EXOC4: variants seen among roughly 807,000 people sequenced by gnomAD.
EXOC4 encodes the protein SEC8-like 1.
EXOC4 carries 71 observed loss-of-function variants against 107.2 expected under a neutral mutation model. The observed-to-expected ratio is 0.66, with a 90% CI of 0.55 to 0.81. The LOEUF is 0.81. Among genes scored for constraint, EXOC4 ranks in the 30% least tolerant of loss-of-function variants. The pLI is 0.00. For synonymous variants in EXOC4, 456 were observed against 441.2 expected (o/e 1.03, Z -0.42); for missense variants, 1,108 against 1,189.6 (o/e 0.93, Z 1.01).
rs1291839810 is a variant in EXOC4, at chr7:133,475,322, G to T, written c.1183-6G>T. The T allele has an allele frequency of 2.1e-5, 33 of 1,606,174 alleles. No homozygotes were observed. The highest frequency in any genetic ancestry group is 2.6e-5 in the Non-Finnish European group (31 of 1,174,546). ...TTAACATTAACTGATTTATCTGGTT[G>T]TACAGATGCTATTAACTGAGTACTT... On this transcript the variant is annotated splice_polypyrimidine_tract_variant and splice_region_variant and intron_variant, in intron 7 of 17. Transcript: ENST00000253861.
At chr7:133,645,327 C>T (rs908972926) in intron 10 of EXOC4, among the ~76,000 whole-genome samples, 2 of 151,662 alleles carry the variant, frequency 1.3e-5, no homozygotes, top group African/African-American at 4.8e-5. Flanking sequence ...CTCCTGACCT[C>T]GTGATCAACC....
intron 11 of EXOC4, among the ~76,000 whole-genome samples, chr7:133,845,313 C>G (rs1201139941): frequency 6.8e-6 from 1 of 146,582 alleles, no homozygotes; most frequent in Non-Finnish European, 1.5e-5. Context: ...CATGGGCCAA[C>G]TAGCATGATA....
intron 7 of EXOC4, among the ~76,000 whole-genome samples, chr7:133,470,435 G>A (rs1798846421): frequency 6.6e-6 from 1 of 152,082 alleles, no homozygotes; most frequent in Non-Finnish European, 1.5e-5. Context: ...CAGAAGAGAT[G>A]CCTAACCAAC....
chr7:133,651,633 A>G lies in EXOC4; in HGVS notation c.1514+21492A>G, dbSNP rs1304277051. 2.0e-5 allele frequency among the ~76,000 whole-genome samples: 3 copies of G among 152,170 alleles called. No homozygotes were observed. In the East Asian group the frequency reaches 5.8e-4, roughly 29 times the overall value. ...TTAAAAAATTACTTTGAGGACTTTT[A>G]TCTGATATTAGAGTTGCCCAGAAGG... On this transcript the variant is annotated intron_variant, in intron 10 of 17. Coordinates refer to ENST00000253861, the MANE Select transcript of EXOC4 (RefSeq NM_021807.4).
At chr7:133,731,992 G>A (rs989180661) in intron 10 of EXOC4, among the ~76,000 whole-genome samples, 19 of 152,134 alleles carry the variant, frequency 1.2e-4, no homozygotes, top group Admixed American at 4.6e-4. Flanking sequence ...GCATGCATAC[G>A]TATGTTCACT....
At chr7:133,479,243 GT>G (rs943925619) in intron 8 of EXOC4, 4 of 151,592 alleles carry the variant, frequency 2.6e-5, no homozygotes, top group South Asian at 2.1e-4. Flanking sequence ...AATTTTATCT[GT>G]TTTTTTTCTT....
At chr7:133,855,094 TATATATATAAATATATATAA>T (rs1316679869) in intron 11 of EXOC4, among the ~76,000 whole-genome samples, 5 of 84,426 alleles carry the variant, frequency 5.9e-5, no homozygotes, top group Non-Finnish European at 8.6e-5. Context: ...TATATATAAA[TATATATATAAATATATATAA>T]ATATATATAT....
chr7:133,615,313 G>A (rs907077483), intron 9 of EXOC4, among the ~76,000 whole-genome samples: 6 of 151,920 alleles, frequency 3.9e-5, no homozygotes, highest in African/African-American at 1.5e-4. Context: ...AAACGAGGGT[G>A]ATTTATTTTT....
chr7:133,445,491 G>A (rs774651566), intron 7 of EXOC4, among the ~76,000 whole-genome samples: 4 of 152,084 alleles, frequency 2.6e-5, no homozygotes, highest in East Asian at 3.9e-4. Flanking sequence ...ATATGCCAGC[G>A]TCTTTCCACT....
chr7:133,997,724 T>C, intron 15 of EXOC4, 91 bp downstream of exon 15: 1 of 1,424,452 alleles, frequency 7.0e-7, no homozygotes, highest in Non-Finnish European at 9.6e-7. Context: ...CACCATAATT[T>C]CTGGCTCATA....
chr7:133,697,901 A>G (rs983334537), intron 10 of EXOC4, among the ~76,000 whole-genome samples: 1 of 152,158 alleles, frequency 6.6e-6, no homozygotes, highest in African/African-American at 2.4e-5. Flanking sequence ...ATTGGATTCT[A>G]CAAAAGCAGA....
chr7:134,047,342 C>T (rs1474478059), intron 17 of EXOC4, among the ~76,000 whole-genome samples: 3 of 151,898 alleles, frequency 2.0e-5, no homozygotes, highest in East Asian at 3.9e-4. Context: ...TATATGTAGA[C>T]TTAGGAGAGC....
chr7:133,780,778 A>G (rs1371388546), intron 10 of EXOC4, among the ~76,000 whole-genome samples: 2 of 152,178 alleles, frequency 1.3e-5, no homozygotes, highest in Non-Finnish European at 2.9e-5. Context: ...ACCAACCAAC[A>G]GCTGTGCTCC....
At chr7:133,849,215 G>A (rs1798194029) in intron 11 of EXOC4, among the ~76,000 whole-genome samples, 1 of 152,166 alleles carries the variant, frequency 6.6e-6, no homozygotes, top group Non-Finnish European at 1.5e-5. Context: ...GAGGGCAGGA[G>A]TTTGAGACCA....
chr7:133,564,053 T>A (rs1012233283), intron 9 of EXOC4, among the ~76,000 whole-genome samples: 10 of 152,194 alleles, frequency 6.6e-5, no homozygotes, highest in African/African-American at 1.9e-4. Context: ...TTCATAGAAA[T>A]TTTTTTATTT....
chr7:133,755,234 A>AATATATATATTATCTATATT (rs1416334741), intron 10 of EXOC4, among the ~76,000 whole-genome samples: 1 of 108,050 alleles, frequency 9.3e-6, no homozygotes, highest in African/African-American at 4.0e-5. Flanking sequence ...ATATATATAT[A>AATATATATATTATCTATATT]ATATATATAA....
At chr7:133,638,122 C>G (rs956135940) in intron 10 of EXOC4, among the ~76,000 whole-genome samples, 31 of 151,996 alleles carry the variant, frequency 2.0e-4, no homozygotes, top group Non-Finnish European at 3.7e-4. Context: ...ATAGAAATCA[C>G]TTAAAGAGAT....
At chr7:133,833,191 A>G (rs1797847549) in intron 11 of EXOC4, among the ~76,000 whole-genome samples, 1 of 151,924 alleles carries the variant, frequency 6.6e-6, no homozygotes, top group Non-Finnish European at 1.5e-5. Context: ...TCTTCTTCCA[A>G]CTCAAATAAT....
intron 3 of EXOC4, among the ~76,000 whole-genome samples, chr7:133,289,682 A>G (rs1382600701): frequency 1.3e-5 from 2 of 152,156 alleles, no homozygotes; most frequent in Non-Finnish European, 2.9e-5. Flanking sequence ...GAAGGATGCA[A>G]TTGGTGGTTC....
Sources: allele counts gnomAD v4.1 joint callset (sites outside exome capture counted in the v4.1 genomes callset), GRCh38; gene constraint gnomAD v4.1.1; transcripts MANE v1.5; gene names NCBI Gene and HGNC (gene_info 2026-07-23, HGNC 2026-07-21).